Variants in AHSA1 observed in about 807,000 individuals in gnomAD.
The protein encoded by AHSA1 is activator of HSP90 ATPase activity 1.
In AHSA1, 14 loss-of-function variants were observed where a neutral mutation model predicts 46.1. That is an observed-to-expected ratio of 0.30 (90% CI 0.20 to 0.47). The LOEUF is 0.47. Ranked by LOEUF, AHSA1 falls within the 20% of genes least tolerant of loss-of-function variation. The probability of loss-of-function intolerance (pLI) is 0.99; values close to 1 mark genes in which losing one functional copy is unlikely to be tolerated. For missense variants in AHSA1, 333 were observed against 415.9 expected (o/e 0.80, Z 1.73); for synonymous variants, 147 against 145.8 (o/e 1.01, Z -0.06).
At chr14:77,463,306 G>A (rs774485259) in intron 4 of AHSA1, among the ~76,000 whole-genome samples, 2 of 151,354 alleles carry the variant, frequency 1.3e-5, no homozygotes, top group Non-Finnish European at 2.9e-5. Context: ...ATTACACTAC[G>A]GGCTGGGCAC....
chr14:77,463,811 A>G (rs1295417001), intron 4 of AHSA1, among the ~76,000 whole-genome samples: 1 of 152,202 alleles, frequency 6.6e-6, no homozygotes, highest in Admixed American at 6.5e-5. Context: ...TGGTGTTGGA[A>G]TATGTATAAT....
intron 5 of AHSA1, 107 bp downstream of exon 5, chr14:77,464,793 A>G: frequency 1.1e-6 from 1 of 935,304 alleles, no homozygotes; most frequent in Non-Finnish European, 1.6e-6. Context: ...AAGCCAGACC[A>G]GCCTGCGATC....
At chr14:77,458,074 G>A (rs2078993283), upstream of AHSA1, 1 of 857,544 alleles carries the variant, frequency 1.2e-6, no homozygotes, top group Admixed American at 3.8e-5. Context: ...CAAGCCAGGA[G>A]GTGCTTGCGG....
chr14:77,468,597 C>A, intron 8 of AHSA1, 89 bp downstream of exon 8: 1 of 1,199,022 alleles, frequency 8.3e-7, no homozygotes. Context: ...CAGGGTCTCA[C>A]TGTCACTCAG....
chr14:77,467,140 T>G (rs1004182366), intron 6 of AHSA1, among the ~76,000 whole-genome samples: 2 of 152,208 alleles, frequency 1.3e-5, no homozygotes, highest in Admixed American at 6.5e-5. Context: ...GGCTTACATC[T>G]CTAATCCCAG....
In AHSA1 at chr14:77,465,593, A is replaced by C; in HGVS notation, c.616A>C (p.Thr206Pro). Reference protein sequence around the residue: ...QARPVGVKIPTCKITLKETFL... With the variant: ...QARPVGVKIPPCKITLKETFL... ...CAGACCTGTTGGAGTCAAAATCCCC[A>C]CTTGTAAGATCACTCTTAAGGAAAC... is the stretch of plus-strand genomic sequence containing the variant. The change falls in exon 6 of 9, where the codon ACT (threonine) becomes CCT (proline). Residue 206 changes from threonine to proline, a missense_variant. By Grantham distance (38) the Thr-to-Pro change is conservative. Transcript: ENST00000216479. The C allele has an allele frequency of 6.2e-7, 1 of 1,613,982 alleles. No individual in the cohort carries two copies. The highest frequency in any genetic ancestry group is 8.5e-7 in the Non-Finnish European group (1 of 1,179,856).
intron 5 of AHSA1, among the ~76,000 whole-genome samples, chr14:77,464,967 A>C (rs560831890): frequency 6.6e-6 from 1 of 152,350 alleles, no homozygotes; most frequent in South Asian, 2.1e-4. Flanking sequence ...GGTTATGAAC[A>C]AAGGATGGAC....
At chr14:77,458,080 T>G (rs1187399243), upstream of AHSA1, 1 of 952,078 alleles carries the variant, frequency 1.1e-6, no homozygotes, top group African/African-American at 1.7e-5. Flanking sequence ...AGGAGGTGCT[T>G]GCGGCCGCTT....
Position 77,464,334 on chromosome 14 carries a change from G to T in AHSA1, c.473-264G>T, listed in dbSNP as rs148364223. 6.8e-4 allele frequency among the ~76,000 whole-genome samples: 104 copies of T among 152,102 alleles called. 1 individual carries two copies. In the East Asian group the frequency reaches 0.017, roughly 24 times the overall value. ...AGAGGTTGCAGTGAGTTGGAGTGCA[G>T]GCTGCACTCCAGCCTGGTGACAGAG... On this transcript the variant is annotated intron_variant, in intron 4 of 8. Transcript: ENST00000216479.
At position 77,468,072 on chromosome 14, in the gene AHSA1, T is replaced by TC; in HGVS notation, c.691-11_691-10insC. 7.1e-7 allele frequency: 1 copy of TC among 1,403,338 alleles called. No homozygotes were observed. The highest frequency in any genetic ancestry group is 9.4e-7 in the Non-Finnish European group (1 of 1,058,522). The allele number at this position is 1,403,338 out of a possible 1,614,324, so 86.9% of individuals were successfully genotyped here. A position where few individuals can be genotyped will look rare whatever the true frequency, so the allele number is the denominator to read the frequency against. ...GCCTCTTTTTTTTTTTTTTTTTTTT[T>TC]TTCCCTGCAGCTGGTGCAGGCCTTT... On this transcript the variant is annotated splice_polypyrimidine_tract_variant and intron_variant, in intron 6 of 8. Transcript: ENST00000216479.
chr14:77,462,101 T>C (rs2079027889), intron 2 of AHSA1, 59 bp from the exon 3 acceptor site: 18 of 1,346,470 alleles, frequency 1.3e-5, no homozygotes, highest in Non-Finnish European at 1.9e-5. Flanking sequence ...GTTAGGACCC[T>C]GGAGCAGAGA....
intron 2 of AHSA1, chr14:77,460,326 C>A: frequency 5.9e-6 from 1 of 168,132 alleles, no homozygotes; most frequent in Non-Finnish European, 1.3e-5. Context: ...TTTGGACAGT[C>A]CTGACTGTCG....
chr14:77,464,568 C>G (rs1481017810), intron 4 of AHSA1, 30 bp from the exon 5 acceptor site: 1 of 1,584,364 alleles, frequency 6.3e-7, no homozygotes, highest in Non-Finnish European at 8.6e-7. Context: ...TAAGAAGTAA[C>G]TTCCATGAGC....
At chr14:77,462,275 CTA>C in intron 3 of AHSA1, 33 bp downstream of exon 3, 1 of 1,567,092 alleles carries the variant, frequency 6.4e-7, no homozygotes, top group Non-Finnish European at 8.8e-7. Context: ...TCCGAGTCCT[CTA>C]TATCCTCTTA....
chr14:77,462,075 CA>C, intron 2 of AHSA1, 84 bp from the exon 3 acceptor site: 2 of 968,538 alleles, frequency 2.1e-6, no homozygotes, highest in Non-Finnish European at 3.2e-6. Context: ...CCAAAAGCAG[CA>C]GAAGTGAGGT....
At chr14:77,458,035 T>G, upstream of AHSA1, 2 of 577,562 alleles carry the variant, frequency 3.5e-6, no homozygotes, top group Non-Finnish European at 2.9e-6. Context: ...GAGCCGGAAG[T>G]TAAGGAGGGG....
At chr14:77,466,016 T>C (rs978800528) in intron 6 of AHSA1, among the ~76,000 whole-genome samples, 1 of 152,148 alleles carries the variant, frequency 6.6e-6, no homozygotes, top group Non-Finnish European at 1.5e-5. Context: ...TTAGTAGAGA[T>C]GGGGTTTCAC....
At position 77,468,260 on chromosome 14, in the gene AHSA1, A is replaced by G. The variant is rs890352828; in HGVS notation, c.792+76A>G. 6.8e-6 allele frequency: 7 copies of G among 1,026,762 alleles called. 1 individual carries two copies. Among genetic ancestry groups the G allele is most frequent in the African/African-American group, 3.2e-5 (2 of 62,278 alleles). 63.6% of individuals were successfully genotyped at this position (1,026,762 alleles called of 1,614,324 possible). On this transcript the variant is annotated intron_variant, in intron 7 of 8. Transcript: ENST00000216479. Reference sequence around the variant, plus strand: ...TGACATTTCTCTTTTTCTGAACTCTATAGGTAAAATGTAAGGCTTTAATCT... The same window carrying G: ...TGACATTTCTCTTTTTCTGAACTCTGTAGGTAAAATGTAAGGCTTTAATCT...
Position 77,458,286 on chromosome 14 carries a change from C to T in AHSA1, c.80+17C>T, listed in dbSNP as rs1594936142. 1 of 1,542,976 alleles carries T rather than the reference C, an allele frequency of 6.5e-7. No individual in the cohort carries two copies. Among genetic ancestry groups the T allele is most frequent in the Non-Finnish European group, 8.7e-7 (1 of 1,144,088 alleles). On this transcript the variant is annotated intron_variant, in intron 1 of 8. Transcript: ENST00000216479. Reference sequence around the variant, plus strand: ...CTGGCACTGGTGAGGGCCAGAAAAGCAGGCCGGCCTTGGGAGACCTGCGGC... The same window carrying T: ...CTGGCACTGGTGAGGGCCAGAAAAGTAGGCCGGCCTTGGGAGACCTGCGGC...
Sources: gnomAD v4.1 joint callset for allele counts (sites outside exome capture counted in the v4.1 genomes callset) on GRCh38, gnomAD v4.1.1 for gene constraint, MANE v1.5 for transcripts, NCBI Gene and HGNC (gene_info 2026-07-23, HGNC 2026-07-21) for gene names.